The following FBLN2 variants were observed in gnomAD, a reference collection of about 807,000 sequenced individuals.
FBLN2 encodes fibulin 2.
FBLN2 carries 81 observed loss-of-function variants against 123.7 expected under a neutral mutation model. That is an observed-to-expected ratio of 0.65 (90% CI 0.55 to 0.79). The LOEUF is 0.79. Ranked by LOEUF, FBLN2 falls within the 30% of genes least tolerant of loss-of-function variation. The pLI is 0.00. For missense variants in FBLN2, 1,603 were observed against 1,681.3 expected, an observed-to-expected ratio of 0.95 and a Z score of 0.81; for synonymous variants, 699 against 701.4, an observed-to-expected ratio of 1.00 and a Z score of 0.05.
At chr3:13,606,125 C>T (rs1261856538) in intron 2 of FBLN2, among the ~76,000 whole-genome samples, 2 of 152,162 alleles carry the variant, frequency 1.3e-5, no homozygotes, top group African/African-American at 4.8e-5. Flanking sequence ...GTCTCGAACT[C>T]CTGAGCTCAA....
intron 1 of FBLN2, among the ~76,000 whole-genome samples, chr3:13,555,092 A>G (rs920986197): frequency 1.1e-4 from 16 of 151,676 alleles, no homozygotes; most frequent in African/African-American, 3.9e-4. Context: ...AGCTGGGACT[A>G]CAGGTGCGTG....
At chr3:13,612,278 T>C (rs1309161182) in intron 4 of FBLN2, among the ~76,000 whole-genome samples, 2 of 145,636 alleles carry the variant, frequency 1.4e-5, no homozygotes, top group Non-Finnish European at 3.0e-5. Flanking sequence ...ATTTTCCTTT[T>C]CTTTTCTTTT....
chr3:13,620,901 T>A (rs918317100), intron 8 of FBLN2, among the ~76,000 whole-genome samples: 4 of 152,176 alleles, frequency 2.6e-5, no homozygotes, highest in Non-Finnish European at 5.9e-5. Flanking sequence ...CCAGGGTACA[T>A]GACGTGGCAG....
chr3:13,614,241 G>C (rs1425494639), intron 5 of FBLN2, 77 bp downstream of exon 5: 2 of 1,423,058 alleles, frequency 1.4e-6, no homozygotes, highest in East Asian at 4.7e-5. Context: ...GGGACCCTGG[G>C]TCCATCATCA....
At chr3:13,580,401 C>T (rs1262632171) in intron 2 of FBLN2, among the ~76,000 whole-genome samples, 2 of 152,154 alleles carry the variant, frequency 1.3e-5, no homozygotes, top group East Asian at 1.9e-4. Context: ...TATTGAGTGC[C>T]TCTCTCACCA....
At chr3:13,582,318 T>G (rs900198608) in intron 2 of FBLN2, among the ~76,000 whole-genome samples, 2 of 152,162 alleles carry the variant, frequency 1.3e-5, no homozygotes, top group African/African-American at 4.8e-5. Context: ...TCCAGAATCC[T>G]GGGGGCCTCA....
At chr3:13,558,046 C>T (rs1339557283) in intron 1 of FBLN2, among the ~76,000 whole-genome samples, 1 of 152,208 alleles carries the variant, frequency 6.6e-6, no homozygotes. Flanking sequence ...GCCTCACTGG[C>T]AGCCCTGAGA....
intron 2 of FBLN2, among the ~76,000 whole-genome samples, chr3:13,577,815 C>T (rs1483934298): frequency 2.6e-5 from 4 of 152,230 alleles, no homozygotes; most frequent in East Asian, 1.9e-4. Context: ...GCCACCAGCC[C>T]GGGGGCAGCT....
chr3:13,580,815 C>T (rs562119728), intron 2 of FBLN2, among the ~76,000 whole-genome samples: 13 of 152,346 alleles, frequency 8.5e-5, no homozygotes, highest in Admixed American at 2.6e-4. Context: ...ACAGCTCCTC[C>T]GTAGCGCACA....
intron 16 of FBLN2, among the ~76,000 whole-genome samples, chr3:13,635,733 C>T (rs928988742): frequency 6.6e-6 from 1 of 152,202 alleles, no homozygotes; most frequent in Non-Finnish European, 1.5e-5. Context: ...GTATTGAGCG[C>T]TGCTCCATGC....
At chr3:13,554,447 T>A (rs1703410112) in intron 1 of FBLN2, among the ~76,000 whole-genome samples, 1 of 152,234 alleles carries the variant, frequency 6.6e-6, no homozygotes, top group African/African-American at 2.4e-5. Context: ...GTTCTGTTCT[T>A]CTTAGAGTCT....
rs777706928 is a variant in FBLN2 at position 13,637,528 on chromosome 3, G to A, written c.3339-34G>A. ...CCGTCTGGGGATGAGGGGGGTGGGC[G>A]AGCTGTGGGTGACCCGGCCTATCCT... On this transcript the variant is annotated intron_variant, in intron 17 of 17. Coordinates refer to ENST00000404922, the MANE Select transcript of FBLN2 (RefSeq NM_001004019.2). 31 of 1,545,330 alleles carry A rather than the reference G, an allele frequency of 2.0e-5. No individual in the cohort carries two copies. The Middle Eastern group carries it at 5.2e-4, about 26-fold the overall frequency.
intron 7 of FBLN2, 95 bp downstream of exon 7, chr3:13,619,112 T>A (rs1705750252): frequency 1.2e-6 from 1 of 852,394 alleles, no homozygotes; most frequent in Non-Finnish European, 1.8e-6. Context: ...GTGCTGGGTA[T>A]GTGCAAGATG....
rs56688853 is a variant in FBLN2 at position 13,614,973 on chromosome 3, TATCCATCCATCCATCCATCC to T, written c.1729+840_1729+859del. On this transcript the variant is annotated intron_variant, in intron 5 of 17. Transcript: ENST00000404922. ...CCATCCGTCTGTTCATCCATCTGCTTATCCATCCATCCATCCATCCATCCATCCATCCATCCATCCATCCA... is the reference window on the plus strand; with the variant it reads ...CCATCCGTCTGTTCATCCATCTGCTTATCCATCCATCCATCCATCCATCCA... 8.3e-3 allele frequency among the ~76,000 whole-genome samples: 1,192 copies of T among 143,330 alleles called. 19 individuals are homozygous for T. The highest frequency in any genetic ancestry group is 0.028 in the African/African-American group (1,088 of 38,850). The allele number at this position is 143,330 out of a possible 152,430, so 94.0% of individuals were successfully genotyped here. A position where few individuals can be genotyped will look rare whatever the true frequency, so the allele number is the denominator to read the frequency against.
At chr3:13,600,061 G>A (rs1286603568) in intron 2 of FBLN2, among the ~76,000 whole-genome samples, 2 of 148,086 alleles carry the variant, frequency 1.4e-5, no homozygotes, top group South Asian at 2.2e-4. Context: ...GAGAGAGAGA[G>A]CGATAGAGAG....
chr3:13,608,294 A>G, intron 3 of FBLN2, 121 bp downstream of exon 3: 2 of 699,474 alleles, frequency 2.9e-6, no homozygotes, highest in Non-Finnish European at 2.4e-6. Context: ...CCTCTGGGGC[A>G]TGAGGGTGAT....
At chr3:13,618,338 G>T in intron 6 of FBLN2, 53 bp downstream of exon 6, 1 of 1,556,922 alleles carries the variant, frequency 6.4e-7, no homozygotes, top group Non-Finnish European at 8.8e-7. Context: ...GATCTTGCCA[G>T]GGGGTGTGGC....
chr3:13,615,954 T>C (rs1574986111), intron 5 of FBLN2, among the ~76,000 whole-genome samples: 1 of 152,316 alleles, frequency 6.6e-6, no homozygotes, highest in South Asian at 2.1e-4. Flanking sequence ...ATGCCTGCTG[T>C]CCACAGGTGC....
intron 2 of FBLN2, among the ~76,000 whole-genome samples, chr3:13,595,284 G>C (rs1704804817): frequency 6.6e-6 from 1 of 152,156 alleles, no homozygotes; most frequent in Admixed American, 6.5e-5. Context: ...CCGGTGCTGA[G>C]GGGGCTGGCT....
Sources: gnomAD v4.1 joint callset for allele counts (sites outside exome capture counted in the v4.1 genomes callset) on GRCh38, gnomAD v4.1.1 for gene constraint, MANE v1.5 for transcripts, NCBI Gene and HGNC (gene_info 2026-07-23, HGNC 2026-07-21) for gene names.